The following RNF17 variants were observed in gnomAD, a reference collection of about 807,000 sequenced individuals.
RNF17 encodes the protein ring finger protein 17, also known as spermatogenesis associated 23.
Under a neutral mutation model 200.5 loss-of-function variants are expected in RNF17, and 31 were observed. The observed-to-expected ratio is 0.15, with a 90% CI of 0.12 to 0.21. The LOEUF (loss-of-function observed/expected upper bound fraction) is 0.21. Ranked by LOEUF, RNF17 falls within the 10% of genes least tolerant of loss-of-function variation. RNF17 has a pLI of 1.00. For missense variants in RNF17, 1,628 were observed against 1,905.1 expected, an observed-to-expected ratio of 0.85 and a Z score of 2.71; for synonymous variants, 606 against 637.8, an observed-to-expected ratio of 0.95 and a Z score of 0.75.
At chr13:24,812,089 C>CTTTTT (rs1886718169) in intron 15 of RNF17, among the ~76,000 whole-genome samples, 1 of 149,970 alleles carries the variant, frequency 6.7e-6, no homozygotes, top group Admixed American at 6.8e-5. Context: ...TTACTGCTGT[C>CTTTTT]TTTTTGTTTG....
chr13:24,812,420 C>T (rs1213873553), intron 15 of RNF17, among the ~76,000 whole-genome samples: 1 of 152,046 alleles, frequency 6.6e-6, no homozygotes, highest in Non-Finnish European at 1.5e-5. Context: ...TGCCGTCTGT[C>T]ACCCCTTTCT....
intron 16 of RNF17, among the ~76,000 whole-genome samples, chr13:24,829,652 T>C (rs1593367518): frequency 3.3e-5 from 5 of 152,212 alleles, no homozygotes; most frequent in Admixed American, 3.3e-4. Flanking sequence ...GAGCAGAGAA[T>C]ACTGGATTTT....
chr13:24,812,402 T>G, intron 15 of RNF17, among the ~76,000 whole-genome samples: 1 of 151,938 alleles, frequency 6.6e-6, no homozygotes, highest in East Asian at 2.0e-4. Flanking sequence ...GTGACCCAAT[T>G]TTCCAGGTGC....
At chr13:24,873,367 A>G (rs980336555) in intron 32 of RNF17, among the ~76,000 whole-genome samples, 2 of 152,238 alleles carry the variant, frequency 1.3e-5, no homozygotes, top group Non-Finnish European at 2.9e-5. Flanking sequence ...CCAACTGTTC[A>G]ATATTTAATT....
chr13:24,793,494 C>G, intron 10 of RNF17, 148 bp downstream of exon 10: 1 of 705,088 alleles, frequency 1.4e-6, no homozygotes. Flanking sequence ...TCATTCCATG[C>G]CCCTACTCTC....
At chr13:24,804,210 C>A in intron 14 of RNF17, 78 bp from the exon 15 acceptor site, 1 of 1,331,242 alleles carries the variant, frequency 7.5e-7, no homozygotes, top group Non-Finnish European at 1.1e-6. Context: ...CTGCAGTGAG[C>A]CATGATAGCA....
At chr13:24,840,142 C>G (rs781210386) in intron 18 of RNF17, among the ~76,000 whole-genome samples, 11 of 152,140 alleles carry the variant, frequency 7.2e-5, no homozygotes, top group Non-Finnish European at 8.8e-5. Flanking sequence ...CATCACTAAT[C>G]ATCAGGGAAA....
chr13:24,854,591 T>C (rs931477390), intron 25 of RNF17, among the ~76,000 whole-genome samples: 8 of 151,800 alleles, frequency 5.3e-5, no homozygotes, highest in Admixed American at 5.3e-4. Flanking sequence ...CACTCTAGAG[T>C]TGCTTCATAA....
intron 6 of RNF17, among the ~76,000 whole-genome samples, chr13:24,786,031 G>GA (rs1260783184): frequency 2.0e-5 from 3 of 152,210 alleles, no homozygotes; most frequent in African/African-American, 7.2e-5. Flanking sequence ...TACTGATAAG[G>GA]AAGTATTTTT....
intron 12 of RNF17, among the ~76,000 whole-genome samples, 191 bp downstream of exon 12, chr13:24,799,775 G>T (rs1325506399): frequency 6.6e-6 from 1 of 152,050 alleles, no homozygotes; most frequent in Non-Finnish European, 1.5e-5. Flanking sequence ...AGTATTACTA[G>T]ATGGAGAGCT....
At chr13:24,827,654 ATC>A (rs1888839199) in intron 16 of RNF17, among the ~76,000 whole-genome samples, 1 of 127,380 alleles carries the variant, frequency 7.9e-6, no homozygotes, top group African/African-American at 2.9e-5. Flanking sequence ...GTGAGCCGAG[ATC>A]CCGCCACTGC....
chr13:24,766,711 A>G (rs962606210), intron 1 of RNF17, among the ~76,000 whole-genome samples: 9 of 152,234 alleles, frequency 5.9e-5, no homozygotes, highest in African/African-American at 1.7e-4. Context: ...TAGTTAACCA[A>G]ATCTCCAAAA....
At chr13:24,823,817 A>G (rs754599619) in intron 15 of RNF17, among the ~76,000 whole-genome samples, 3 of 152,084 alleles carry the variant, frequency 2.0e-5, no homozygotes, top group African/African-American at 7.2e-5. Flanking sequence ...GTATGTTTCT[A>G]CTCATAAACT....
At chr13:24,840,719 G>A (rs901269927) in intron 18 of RNF17, among the ~76,000 whole-genome samples, 14 of 151,634 alleles carry the variant, frequency 9.2e-5, no homozygotes, top group African/African-American at 3.2e-4. Context: ...CAAAGGAATG[G>A]ACTTTAGGAA....
chr13:24,861,409 G>T, intron 27 of RNF17, 22 bp downstream of exon 27: 1 of 1,413,250 alleles, frequency 7.1e-7, no homozygotes, highest in Non-Finnish European at 9.4e-7. Flanking sequence ...ATAATTTGTG[G>T]AATGATTAAT....
At chr13:24,829,571 T>C (rs1566191238) in intron 16 of RNF17, among the ~76,000 whole-genome samples, 2 of 152,170 alleles carry the variant, frequency 1.3e-5, no homozygotes, top group African/African-American at 2.4e-5. Context: ...TCTCCTACCA[T>C]AGGGCCTATG....
chr13:24,838,722 T>A (rs1324973578), intron 18 of RNF17, among the ~76,000 whole-genome samples: 2 of 152,148 alleles, frequency 1.3e-5, no homozygotes, highest in African/African-American at 4.8e-5. Context: ...TAATTCTGAA[T>A]GGGGAAAAGT....
intron 25 of RNF17, 46 bp downstream of exon 25, chr13:24,854,190 G>A (rs1428830525): frequency 1.4e-6 from 2 of 1,422,214 alleles, no homozygotes; most frequent in South Asian, 1.3e-5. Context: ...TAGTACGAAC[G>A]ACAGGGATTG....
intron 18 of RNF17, among the ~76,000 whole-genome samples, chr13:24,832,922 T>G (rs1889574971): frequency 6.6e-6 from 1 of 152,174 alleles, no homozygotes; most frequent in Non-Finnish European, 1.5e-5. Flanking sequence ...TTTTAAATTT[T>G]TTTTGTAGAG....
Sources: allele counts gnomAD v4.1 joint callset (sites outside exome capture counted in the v4.1 genomes callset), GRCh38; gene constraint gnomAD v4.1.1; transcripts MANE v1.5; gene names NCBI Gene and HGNC (gene_info 2026-07-23, HGNC 2026-07-21).